BCLAF3: variants seen among roughly 807,000 people sequenced by gnomAD.
The protein encoded by BCLAF3 is BCLAF1 and THRAP3 family member 3.
A neutral mutation model predicts 51.2 loss-of-function variants in BCLAF3; 24 were observed. The ratio of observed to expected loss-of-function variants is 0.47; its 90% CI spans 0.34 to 0.66. BCLAF3 has a LOEUF of 0.66. Among genes scored for constraint, BCLAF3 ranks in the 30% least tolerant of loss-of-function variants. The probability of loss-of-function intolerance (pLI) is 0.01; values close to 1 mark genes in which losing one functional copy is unlikely to be tolerated. For missense variants in BCLAF3, 465 were observed against 525.1 expected, an observed-to-expected ratio of 0.89 and a Z score of 1.12; for synonymous variants, 152 against 176.6, an observed-to-expected ratio of 0.86 and a Z score of 1.10.
rs770466234 is a variant in BCLAF3 at position 19,988,231 on chromosome X, T to C, written c.-35+2677A>G. On this transcript the variant is annotated intron_variant, in intron 1 of 11. Coordinates refer to ENST00000379682, the MANE Select transcript of BCLAF3 (RefSeq NM_001367774.2). Reference sequence around the variant, plus strand: ...TAGCGTTATACCTGTCCCTCTCAGCTTTATATAGCGCTTTTAAATATTTGC... The same window carrying C: ...TAGCGTTATACCTGTCCCTCTCAGCCTTATATAGCGCTTTTAAATATTTGC... Among the ~76,000 whole-genome samples the C allele has an allele frequency of 1.1e-3, 125 of 112,227 alleles. 1 individual carries two copies. The highest frequency in any genetic ancestry group is 3.9e-3 in the African/African-American group (121 of 30,902).
intron 1 of BCLAF3, among the ~76,000 whole-genome samples, chrX:19,970,991 G>A (rs1186681056): frequency 8.9e-6 from 1 of 112,589 alleles, no homozygotes; most frequent in Non-Finnish European, 1.9e-5. Flanking sequence ...ACCATGTACA[G>A]AAACACTTCA....
intron 4 of BCLAF3, among the ~76,000 whole-genome samples, chrX:19,959,560 C>T (rs1218116451): frequency 9.1e-6 from 1 of 109,358 alleles, no homozygotes; most frequent in Non-Finnish European, 1.9e-5. Context: ...ATTGCTTGAG[C>T]TCAGGAGTTC....
At chrX:19,921,855 T>A (rs1011506101) in intron 11 of BCLAF3, among the ~76,000 whole-genome samples, 10 of 107,644 alleles carry the variant, frequency 9.3e-5, no homozygotes, top group Non-Finnish European at 1.9e-4. Context: ...ACAAAAAAAT[T>A]AGCTGGGCAT....
At chrX:19,971,273 G>C (rs777874429) in intron 1 of BCLAF3, among the ~76,000 whole-genome samples, 22 of 111,209 alleles carry the variant, frequency 2.0e-4, no homozygotes, top group African/African-American at 7.2e-4. Context: ...GGTAGACACG[G>C]GGTTTTGCCA....
At chrX:19,952,352 A>T (rs1031545326) in intron 7 of BCLAF3, among the ~76,000 whole-genome samples, 2 of 109,892 alleles carry the variant, frequency 1.8e-5, no homozygotes, top group Non-Finnish European at 3.8e-5. Flanking sequence ...TGAATAAATT[A>T]GCAGTTCTTT....
chrX:19,919,363 G>A (rs2147652401), intron 11 of BCLAF3, among the ~76,000 whole-genome samples: 1 of 107,272 alleles, frequency 9.3e-6, no homozygotes, highest in Admixed American at 9.9e-5. Context: ...TGGCCAACAT[G>A]GTGAAACCCC....
chrX:19,979,443 G>C (rs1404744782), intron 1 of BCLAF3, among the ~76,000 whole-genome samples: 2 of 110,901 alleles, frequency 1.8e-5, no homozygotes, highest in African/African-American at 6.6e-5. Flanking sequence ...GGTATGTATT[G>C]TTTTAGACAT....
At chrX:19,957,606 G>T (rs2071710966) in intron 4 of BCLAF3, among the ~76,000 whole-genome samples, 2 of 111,157 alleles carry the variant, frequency 1.8e-5, no homozygotes, top group African/African-American at 6.5e-5. Context: ...ACAAATTACT[G>T]CTGAAACTCT....
chrX:19,918,875 T>C (rs2070026995), intron 11 of BCLAF3, among the ~76,000 whole-genome samples: 1 of 110,302 alleles, frequency 9.1e-6, no homozygotes, highest in Non-Finnish European at 1.9e-5. Flanking sequence ...CTGAACTAGA[T>C]ATATGAGCAC....
chrX:19,920,400 G>A (rs1329966598), intron 11 of BCLAF3, among the ~76,000 whole-genome samples: 2 of 111,567 alleles, frequency 1.8e-5, no homozygotes, highest in African/African-American at 6.5e-5. Context: ...TGACACAATG[G>A]CTTTTGTTCA....
intron 2 of BCLAF3, among the ~76,000 whole-genome samples, chrX:19,968,075 G>C (rs1015653787): frequency 8.9e-6 from 1 of 112,603 alleles, no homozygotes; most frequent in Non-Finnish European, 1.9e-5. Flanking sequence ...AGTCTGGATG[G>C]AATTCCCAAT....
chrX:19,982,801 T>A (rs2072660377), intron 1 of BCLAF3, among the ~76,000 whole-genome samples: 1 of 110,782 alleles, frequency 9.0e-6, no homozygotes. Context: ...AATATTATGA[T>A]GGATTTGAGG....
In BCLAF3 at chrX:19,933,052, GAA is replaced by G. The variant is rs1362760356; in HGVS notation, c.1950+2755_1950+2756del. Among the ~76,000 whole-genome samples the G allele has an allele frequency of 2.7e-5, 3 of 111,972 alleles. No homozygotes were observed. The Admixed American group carries it at 2.8e-4, about 11-fold the overall frequency. On this transcript the variant is annotated intron_variant, in intron 10 of 11. Transcript: ENST00000379682. ...CCAGCAACTAAAGCAATGCCAGGAG[GAA>G]AAGAGATTGAGTCTTAGACAGGTAG...
chrX:19,974,423 G>A (rs2072354641), intron 1 of BCLAF3, among the ~76,000 whole-genome samples: 1 of 112,110 alleles, frequency 8.9e-6, no homozygotes, highest in African/African-American at 3.2e-5. Context: ...GTTCCCAGGT[G>A]ATGTGGATGC....
At chrX:19,929,224 A>C (rs961543292) in intron 11 of BCLAF3, 2 of 111,900 alleles carry the variant, frequency 1.8e-5, no homozygotes, top group Non-Finnish European at 3.8e-5. Context: ...TAAATTGCAA[A>C]AGAACATATA....
chrX:19,965,559 C>T lies in BCLAF3; in HGVS notation c.759G>A (p.Gln253=). Residue 253 remains glutamine, a synonymous_variant, in exon 4 of 12, where the codon CAG becomes CAA. Coordinates refer to ENST00000379682, the MANE Select transcript of BCLAF3 (RefSeq NM_001367774.2). ...SLPPYQEDTD[Q]WNLGPQTYRH... ...GATAAGTTTGGGGCCCAAGGTTCCA[C>T]TGGTCTGTGTCCTCTTGGTAAGGTG... The T allele has an allele frequency of 1.7e-6, 2 of 1,200,849 alleles. No homozygotes were observed. Among genetic ancestry groups the T allele is most frequent in the Non-Finnish European group, 2.2e-6 (2 of 890,947 alleles).
chrX:19,945,529 T>A (rs1333644818), intron 8 of BCLAF3, among the ~76,000 whole-genome samples: 2 of 91,370 alleles, frequency 2.2e-5, no homozygotes, highest in African/African-American at 5.9e-5. Context: ...TGGAATACCC[T>A]GCCGTGTGAG....
intron 4 of BCLAF3, 54 bp from the exon 5 acceptor site, chrX:19,955,620 G>T (rs771215730): frequency 2.2e-5 from 22 of 1,017,601 alleles, no homozygotes; most frequent in Non-Finnish European, 2.6e-5. Flanking sequence ...GTGGAGAAAA[G>T]AATTTATCAA....
chrX:19,960,342 T>C (rs1028924164), intron 4 of BCLAF3, among the ~76,000 whole-genome samples: 1 of 110,322 alleles, frequency 9.1e-6, no homozygotes, highest in Non-Finnish European at 1.9e-5. Context: ...GTTAATTTGG[T>C]CCCAAAAGGT....
Sources: gnomAD v4.1 joint callset for allele counts (sites outside exome capture counted in the v4.1 genomes callset) on GRCh38, gnomAD v4.1.1 for gene constraint, MANE v1.5 for transcripts, NCBI Gene and HGNC (gene_info 2026-07-23, HGNC 2026-07-21) for gene names.